Variants in RBMS1 observed in about 807,000 individuals in gnomAD.
RBMS1 encodes RNA binding motif single stranded interacting protein 1, also known as RNA-binding motif, single-stranded-interacting protein 1.
Under a neutral mutation model 62.3 loss-of-function variants are expected in RBMS1, and 17 were observed. The ratio of observed to expected loss-of-function variants is 0.27; its 90% CI spans 0.19 to 0.41. The LOEUF (loss-of-function observed/expected upper bound fraction) is 0.41, where lower values mean the gene tolerates loss of function less well. Ranked by LOEUF, RBMS1 falls within the 10% of genes least tolerant of loss-of-function variation. The pLI is 1.00. For missense variants in RBMS1, 334 were observed against 504.5 expected, an observed-to-expected ratio of 0.66 and a Z score of 3.24; for synonymous variants, 172 against 170.0, an observed-to-expected ratio of 1.01 and a Z score of -0.09.
intron 1 of RBMS1, among the ~76,000 whole-genome samples, chr2:160,435,324 CTT>C (rs58754323): frequency 0.026 from 4,000 of 152,196 alleles, 75 homozygotes; most frequent in Middle Eastern, 0.061. Flanking sequence ...GTCCCGAATA[CTT>C]TTATTCATTT....
chr2:160,471,714 T>TATATATATATATATAC (rs1469811554), intron 1 of RBMS1, among the ~76,000 whole-genome samples: 1 of 121,604 alleles, frequency 8.2e-6, no homozygotes, highest in South Asian at 2.7e-4. Context: ...TATATATATA[T>TATATATATATATATAC]ATAACCTTTC....
At chr2:160,402,767 A>G (rs1436137882) in intron 1 of RBMS1, among the ~76,000 whole-genome samples, 1 of 152,114 alleles carries the variant, frequency 6.6e-6, no homozygotes, top group Non-Finnish European at 1.5e-5. Context: ...CCTAGCTTTC[A>G]CCATGTAGGC....
chr2:160,345,950 T>C (rs62177276), intron 2 of RBMS1, among the ~76,000 whole-genome samples: 4,240 of 152,222 alleles, frequency 0.028, 101 homozygotes, highest in Non-Finnish European at 0.043. Context: ...ACAATGGCTG[T>C]TCAGAGTGAA....
At chr2:160,329,142 T>G (rs912322979) in intron 2 of RBMS1, among the ~76,000 whole-genome samples, 1 of 152,128 alleles carries the variant, frequency 6.6e-6, no homozygotes, top group Admixed American at 6.5e-5. Context: ...CATCCTTTTC[T>G]CAAGTAATAA....
In RBMS1 at chr2:160,479,298, C is replaced by G. The variant is rs1216276022; in HGVS notation, c.75+13991G>C. Among the ~76,000 whole-genome samples the G allele has an allele frequency of 1.3e-5, 2 of 152,366 alleles. 1 individual carries two copies. Among genetic ancestry groups the G allele is most frequent in the South Asian group, 4.1e-4 (2 of 4,826 alleles). ...CATGGAGGGTGAGCAGGGCGCAGCTCTGGGCTACCCAGCTCATCTACAACA... is the reference window on the plus strand; with the variant it reads ...CATGGAGGGTGAGCAGGGCGCAGCTGTGGGCTACCCAGCTCATCTACAACA... On this transcript the variant is annotated intron_variant, in intron 1 of 13. Coordinates refer to ENST00000348849, the MANE Select transcript of RBMS1 (RefSeq NM_016836.4).
chr2:160,456,206 A>G (rs1684224443), intron 1 of RBMS1, among the ~76,000 whole-genome samples: 1 of 152,194 alleles, frequency 6.6e-6, no homozygotes, highest in Non-Finnish European at 1.5e-5. Context: ...AATAGAACCT[A>G]ATGTATTTAG....
chr2:160,384,515 G>A lies in RBMS1; in HGVS notation c.76-17124C>T, dbSNP rs116906587. Among the ~76,000 whole-genome samples, 3 of 152,178 alleles carry A rather than the reference G, an allele frequency of 2.0e-5. No homozygotes were observed. In the East Asian group the frequency reaches 5.8e-4, roughly 29 times the overall value. On this transcript the variant is annotated intron_variant, in intron 1 of 13. Coordinates refer to ENST00000348849, the MANE Select transcript of RBMS1 (RefSeq NM_016836.4). Reference sequence around the variant, plus strand: ...TAACCAAACAATTTCTTTGGCTTGGGCAACTTCTAAGGAGGCAGTACAGCA... The same window carrying A: ...TAACCAAACAATTTCTTTGGCTTGGACAACTTCTAAGGAGGCAGTACAGCA...
At chr2:160,355,110 A>G (rs1041453238) in intron 2 of RBMS1, among the ~76,000 whole-genome samples, 23 of 152,158 alleles carry the variant, frequency 1.5e-4, no homozygotes, top group Non-Finnish European at 3.2e-4. Context: ...AATAATTTAT[A>G]CACCTAAAAC....
intron 1 of RBMS1, among the ~76,000 whole-genome samples, chr2:160,424,365 T>TGGG (rs58071256): frequency 9.9e-4 from 140 of 140,802 alleles, no homozygotes; most frequent in African/African-American, 1.6e-3. Flanking sequence ...GGTGAGAGAT[T>TGGG]GGGGGGGGGG....
intron 4 of RBMS1, among the ~76,000 whole-genome samples, chr2:160,311,376 A>C (rs1275022311): frequency 6.6e-6 from 1 of 151,726 alleles, no homozygotes; most frequent in African/African-American, 2.4e-5. Flanking sequence ...GATTCCTCTT[A>C]CTAATTACTG....
intron 4 of RBMS1, among the ~76,000 whole-genome samples, chr2:160,311,209 AATCTATCT>A (rs756246053): frequency 2.1e-4 from 12 of 57,728 alleles, no homozygotes; most frequent in African/African-American, 5.2e-4. Context: ...AAAAAAAAAA[AATCTATCT>A]ATCTATCTAT....
intron 2 of RBMS1, among the ~76,000 whole-genome samples, chr2:160,347,948 A>G (rs2106001972): frequency 6.6e-6 from 1 of 152,206 alleles, no homozygotes; most frequent in South Asian, 2.1e-4. Context: ...GCTAAAATAA[A>G]CAGCAACAAA....
At chr2:160,333,342 T>C (rs1166345847) in intron 2 of RBMS1, among the ~76,000 whole-genome samples, 2 of 152,232 alleles carry the variant, frequency 1.3e-5, no homozygotes, top group Non-Finnish European at 2.9e-5. Context: ...GATACAGTCC[T>C]GAAGAAAACT....
At chr2:160,299,797 G>A (rs1193406971) in intron 6 of RBMS1, among the ~76,000 whole-genome samples, 1 of 152,170 alleles carries the variant, frequency 6.6e-6, no homozygotes, top group Non-Finnish European at 1.5e-5. Context: ...TTAGGTAGGG[G>A]ACTGAGCAGG....
intron 1 of RBMS1, among the ~76,000 whole-genome samples, chr2:160,396,327 T>A (rs1471853857): frequency 1.3e-5 from 2 of 152,208 alleles, no homozygotes; most frequent in East Asian, 3.9e-4. Flanking sequence ...CAACAGTAGT[T>A]AGAGGGAGGT....
chr2:160,278,981 G>A (rs75141191), intron 10 of RBMS1: 63 of 197,280 alleles, frequency 3.2e-4, no homozygotes, highest in African/African-American at 1.4e-3. Context: ...AGCAGGAGGA[G>A]CTATCATAGG....
chr2:160,320,244 G>A (rs1690480721), intron 2 of RBMS1, among the ~76,000 whole-genome samples: 1 of 152,188 alleles, frequency 6.6e-6, no homozygotes, highest in Non-Finnish European at 1.5e-5. Context: ...AAAGCCGGCG[G>A]ATGGCTTGAG....
rs181209757 is a variant in RBMS1 at position 160,403,608 on chromosome 2, A to C, written c.76-36217T>G. Among the ~76,000 whole-genome samples, 19 of 152,348 alleles carry C rather than the reference A, an allele frequency of 1.2e-4. No homozygotes were observed. In the East Asian group the frequency reaches 3.5e-3, roughly 28 times the overall value. On this transcript the variant is annotated intron_variant, in intron 1 of 13. Transcript: ENST00000348849. ...GAAGATAAGTACTTCCCTCATCAAA[A>C]GTTAGCAACATTTAACAAGTACAAC...
At chr2:160,319,410 G>A (rs896965704) in intron 2 of RBMS1, among the ~76,000 whole-genome samples, 1 of 152,136 alleles carries the variant, frequency 6.6e-6, no homozygotes, top group Non-Finnish European at 1.5e-5. Flanking sequence ...TACTTGGGAG[G>A]CTGAGACAGG....
Sources: gnomAD v4.1 joint callset for allele counts (sites outside exome capture counted in the v4.1 genomes callset) on GRCh38, gnomAD v4.1.1 for gene constraint, MANE v1.5 for transcripts, NCBI Gene and HGNC (gene_info 2026-07-23, HGNC 2026-07-21) for gene names.